PITPNC1: variants seen among roughly 807,000 people sequenced by gnomAD.
PITPNC1 encodes cytoplasmic phosphatidylinositol transfer protein 1.
PITPNC1 carries 18 observed loss-of-function variants against 44.7 expected under a neutral mutation model. The ratio of observed to expected loss-of-function variants is 0.40; its 90% CI spans 0.28 to 0.60. PITPNC1 has a LOEUF of 0.60. Ranked by LOEUF, PITPNC1 falls within the 20% of genes least tolerant of loss-of-function variation. PITPNC1 has a pLI of 0.39. For synonymous variants in PITPNC1, 141 were observed against 149.6 expected (o/e 0.94, Z 0.42); for missense variants, 290 against 418.4 (o/e 0.69, Z 2.68).
intron 1 of PITPNC1, among the ~76,000 whole-genome samples, chr17:67,489,770 G>A (rs971259341): frequency 1.3e-5 from 2 of 151,954 alleles, no homozygotes; most frequent in African/African-American, 2.4e-5. Flanking sequence ...ATTTGAGATG[G>A]AGTCTCGCTC....
chr17:67,671,210 C>A (rs985773137), intron 7 of PITPNC1, among the ~76,000 whole-genome samples: 1 of 152,060 alleles, frequency 6.6e-6, no homozygotes, highest in Admixed American at 6.6e-5. Context: ...GTAGCAGAAT[C>A]CCACTTGGTG....
intron 1 of PITPNC1, among the ~76,000 whole-genome samples, chr17:67,450,580 C>T (rs961483637): frequency 7.9e-5 from 12 of 152,060 alleles, no homozygotes; most frequent in African/African-American, 2.7e-4. Flanking sequence ...CGCACACCAC[C>T]GTGCCCACTA....
intron 8 of PITPNC1, among the ~76,000 whole-genome samples, chr17:67,680,267 T>C (rs2042677864): frequency 6.6e-6 from 1 of 152,088 alleles, no homozygotes; most frequent in Non-Finnish European, 1.5e-5. Context: ...ACCCTTCCCC[T>C]GCCTACTCCC....
At chr17:67,561,237 C>T (rs969442924) in intron 4 of PITPNC1, among the ~76,000 whole-genome samples, 3 of 152,176 alleles carry the variant, frequency 2.0e-5, no homozygotes, top group Admixed American at 6.5e-5. Context: ...AGGTGGATCA[C>T]TTGAGGTCAG....
intron 6 of PITPNC1, among the ~76,000 whole-genome samples, chr17:67,644,127 G>T (rs116234575): frequency 6.6e-6 from 1 of 152,134 alleles, no homozygotes; most frequent in African/African-American, 2.4e-5. Flanking sequence ...CCTGAATTCC[G>T]GATGGCACGT....
At chr17:67,393,129 CAAAA>C (rs79602275) in intron 1 of PITPNC1, among the ~76,000 whole-genome samples, 1 of 96,676 alleles carries the variant, frequency 1.0e-5, no homozygotes. Flanking sequence ...GACTCCACCT[CAAAA>C]AAAAAAAAAA....
intron 1 of PITPNC1, among the ~76,000 whole-genome samples, chr17:67,471,907 A>G (rs1297475924): frequency 6.6e-6 from 1 of 152,110 alleles, no homozygotes; most frequent in East Asian, 1.9e-4. Flanking sequence ...TTATATCATA[A>G]TAGTCACTTT....
At chr17:67,621,117 T>C (rs952852476) in intron 5 of PITPNC1, among the ~76,000 whole-genome samples, 2 of 152,238 alleles carry the variant, frequency 1.3e-5, no homozygotes, top group Non-Finnish European at 2.9e-5. Flanking sequence ...CCGACCATTA[T>C]GGACCTATAT....
chr17:67,422,557 C>CT (rs893375392), intron 1 of PITPNC1, among the ~76,000 whole-genome samples: 15 of 151,710 alleles, frequency 9.9e-5, no homozygotes, highest in African/African-American at 2.9e-4. Context: ...TTCTTTTTTT[C>CT]TTTTTTTTGA....
intron 1 of PITPNC1, among the ~76,000 whole-genome samples, chr17:67,384,322 A>T (rs887129874): frequency 2.6e-4 from 39 of 151,990 alleles, no homozygotes; most frequent in African/African-American, 8.7e-4. Flanking sequence ...GTCCCCAGAG[A>T]GTTTTCTTGC....
intron 1 of PITPNC1, among the ~76,000 whole-genome samples, chr17:67,384,571 G>A (rs1001896078): frequency 6.6e-6 from 1 of 151,924 alleles, no homozygotes; most frequent in Non-Finnish European, 1.5e-5. Context: ...GATTACAGGC[G>A]CCCGCCACTG....
chr17:67,398,203 CATT>C (rs2038251480), intron 1 of PITPNC1, among the ~76,000 whole-genome samples: 2 of 151,966 alleles, frequency 1.3e-5, no homozygotes, highest in South Asian at 4.1e-4. Flanking sequence ...AATTTTAAAT[CATT>C]GTAACTAGGC....
chr17:67,475,896 GT>G (rs2039619544), intron 1 of PITPNC1, among the ~76,000 whole-genome samples: 2 of 152,152 alleles, frequency 1.3e-5, no homozygotes, highest in Admixed American at 1.3e-4. Context: ...GCATTGGGCT[GT>G]GGGAAGTTAA....
intron 1 of PITPNC1, among the ~76,000 whole-genome samples, chr17:67,476,152 T>A (rs2144017264): frequency 6.6e-6 from 1 of 152,018 alleles, no homozygotes; most frequent in East Asian, 1.9e-4. Context: ...TTTCTGATGA[T>A]GAAACAGATT....
At chr17:67,460,282 C>T (rs1013343308) in intron 1 of PITPNC1, among the ~76,000 whole-genome samples, 9 of 152,266 alleles carry the variant, frequency 5.9e-5, no homozygotes, top group African/African-American at 1.7e-4. Context: ...TCTCCCAGCG[C>T]GGGCACTCAC....
chr17:67,438,313 C>CT lies in PITPNC1; in HGVS notation c.48+60130dup, dbSNP rs1245707226. On this transcript the variant is annotated intron_variant, in intron 1 of 8. Transcript: ENST00000581322. ...ATAAAGAGAACAGAGTTCTAAGTGA[C>CT]TTTTTTTTTTTTTTTTTTTCTGAGA... 4.6e-3 allele frequency among the ~76,000 whole-genome samples: 601 copies of CT among 130,416 alleles called. 10 individuals carry two copies. Among genetic ancestry groups the CT allele is most frequent in the South Asian group, 0.046 (184 of 4,002 alleles). The allele number at this position is 130,416 out of a possible 152,430, so 85.6% of individuals were successfully genotyped here. A position where few individuals can be genotyped will look rare whatever the true frequency, so the allele number is the denominator to read the frequency against.
At chr17:67,575,204 TGTC>T (rs2041123343) in intron 4 of PITPNC1, among the ~76,000 whole-genome samples, 1 of 151,822 alleles carries the variant, frequency 6.6e-6, no homozygotes, top group African/African-American at 2.4e-5. Flanking sequence ...CCTAAAGGCT[TGTC>T]GTGTCTAAGA....
chr17:67,554,993 A>G (rs543094330), intron 4 of PITPNC1, among the ~76,000 whole-genome samples: 38 of 152,352 alleles, frequency 2.5e-4, no homozygotes, highest in Admixed American at 2.0e-3. Flanking sequence ...ATTATATCCC[A>G]TCATACTCGG....
At chr17:67,458,459 T>A (rs542427633) in intron 1 of PITPNC1, among the ~76,000 whole-genome samples, 27 of 152,200 alleles carry the variant, frequency 1.8e-4, no homozygotes, top group Non-Finnish European at 3.8e-4. Flanking sequence ...TAATCTACTA[T>A]TTAATCTATC....
Sources: gnomAD v4.1 joint callset for allele counts (sites outside exome capture counted in the v4.1 genomes callset) on GRCh38, gnomAD v4.1.1 for gene constraint, MANE v1.5 for transcripts, NCBI Gene and HGNC (gene_info 2026-07-23, HGNC 2026-07-21) for gene names.